The following HDAC9 variants were observed in gnomAD, a reference collection of about 807,000 sequenced individuals.
The protein encoded by HDAC9 is histone deacetylase 9.
In HDAC9, 41 loss-of-function variants were observed where a neutral mutation model predicts 139.4. The ratio of observed to expected loss-of-function variants is 0.29; its 90% CI spans 0.23 to 0.38. The LOEUF (loss-of-function observed/expected upper bound fraction) is 0.38. HDAC9 is among the 10% of genes least tolerant of loss of function. The probability of loss-of-function intolerance (pLI) is 1.00; values close to 1 mark genes in which losing one functional copy is unlikely to be tolerated. For synonymous variants in HDAC9, 517 were observed against 476.2 expected, an observed-to-expected ratio of 1.09 and a Z score of -1.12; for missense variants, 1,147 against 1,297.0, an observed-to-expected ratio of 0.88 and a Z score of 1.78.
At chr7:18,462,000 C>G (rs1370346580) in intron 1 of HDAC9, among the ~76,000 whole-genome samples, 1 of 151,936 alleles carries the variant, frequency 6.6e-6, no homozygotes, top group East Asian at 1.9e-4. Flanking sequence ...GTCGTGATCA[C>G]TAAATTAGTA....
intron 2 of HDAC9, among the ~76,000 whole-genome samples, chr7:18,221,687 T>C (rs1348753310): frequency 6.6e-6 from 1 of 152,070 alleles, no homozygotes. Flanking sequence ...GCAGGAGAAA[T>C]AAGGACTAAA....
chr7:18,697,809 T>A (rs212665), intron 12 of HDAC9, among the ~76,000 whole-genome samples: 5,070 of 152,198 alleles, frequency 0.033, 211 homozygotes, highest in African/African-American at 0.095. Context: ...ATTTTTTTTT[T>A]TGTTATGCTC....
At chr7:18,142,642 C>A (rs530976610) in intron 1 of HDAC9, among the ~76,000 whole-genome samples, 1 of 152,184 alleles carries the variant, frequency 6.6e-6, no homozygotes, top group Non-Finnish European at 1.5e-5. Flanking sequence ...AGAGTTTTGT[C>A]CTTCCTGGGA....
chr7:18,975,986 C>T (rs1287275034), intron 25 of HDAC9, 33 bp downstream of exon 25: 2 of 1,599,434 alleles, frequency 1.3e-6, no homozygotes, highest in Non-Finnish European at 1.7e-6. Context: ...TAATCCGGGT[C>T]AGTCATATCC....
intron 2 of HDAC9, among the ~76,000 whole-genome samples, chr7:18,557,779 T>C (rs1819330771): frequency 1.3e-5 from 2 of 150,482 alleles, no homozygotes; most frequent in African/African-American, 4.9e-5. Flanking sequence ...AAATGAAATA[T>C]TATTTATATA....
chr7:18,593,861 C>G, intron 5 of HDAC9, 47 bp from the exon 6 acceptor site: 1 of 1,604,642 alleles, frequency 6.2e-7, no homozygotes, highest in Non-Finnish European at 8.5e-7. Context: ...GACCAATATG[C>G]AGTAAAAACT....
chr7:18,785,987 A>C (rs556451532), intron 16 of HDAC9, among the ~76,000 whole-genome samples: 48 of 152,316 alleles, frequency 3.2e-4, no homozygotes, highest in African/African-American at 1.1e-3. Flanking sequence ...TATTGTCATT[A>C]TTATTTCTAA....
chr7:18,680,280 A>T (rs774947642), intron 12 of HDAC9, among the ~76,000 whole-genome samples: 9 of 151,988 alleles, frequency 5.9e-5, no homozygotes, highest in Non-Finnish European at 1.2e-4. Context: ...CTTTTAAAAC[A>T]TTTATCTCTT....
At chr7:18,118,006 C>G (rs1301285968) in intron 1 of HDAC9, among the ~76,000 whole-genome samples, 1 of 152,174 alleles carries the variant, frequency 6.6e-6, no homozygotes, top group Non-Finnish European at 1.5e-5. Context: ...ACTTACAGAT[C>G]TCTCTGAGTC....
At chr7:18,349,157 A>G (rs189633685) in intron 1 of HDAC9, among the ~76,000 whole-genome samples, 71 of 152,094 alleles carry the variant, frequency 4.7e-4, no homozygotes, top group African/African-American at 1.6e-3. Context: ...AAGGCCTACA[A>G]AGCACTGCAC....
intron 2 of HDAC9, chr7:18,509,152 G>A (rs1336772828): frequency 1.2e-5 from 5 of 402,074 alleles, no homozygotes; most frequent in Non-Finnish European, 1.7e-5. Flanking sequence ...AAACATTTTT[G>A]AGGGACTGAC....
intron 16 of HDAC9, among the ~76,000 whole-genome samples, chr7:18,769,168 C>T (rs746220226): frequency 2.0e-5 from 3 of 152,162 alleles, no homozygotes; most frequent in South Asian, 2.1e-4. Flanking sequence ...CTAGGACTCA[C>T]CTCCCAAATC....
At chr7:18,795,339 A>G (rs1314222553) in intron 17 of HDAC9, among the ~76,000 whole-genome samples, 1 of 149,360 alleles carries the variant, frequency 6.7e-6, no homozygotes, top group Non-Finnish European at 1.5e-5. Flanking sequence ...CCACTTGCAT[A>G]GTGTGTCATT....
chr7:18,963,807 CAT>C (rs1303191019), intron 24 of HDAC9, among the ~76,000 whole-genome samples: 2 of 152,178 alleles, frequency 1.3e-5, no homozygotes, highest in East Asian at 1.9e-4. Context: ...CTATTGTACC[CAT>C]ATGTCATAGA....
At chr7:18,931,715 G>T (rs1345256544) in intron 22 of HDAC9, among the ~76,000 whole-genome samples, 1 of 152,036 alleles carries the variant, frequency 6.6e-6, no homozygotes, top group African/African-American at 2.4e-5. Flanking sequence ...TTAGTTTCAG[G>T]CTCTCATTAT....
intron 1 of HDAC9, among the ~76,000 whole-genome samples, chr7:18,090,027 G>A (rs113212145): frequency 1.5e-3 from 223 of 151,854 alleles, no homozygotes; most frequent in African/African-American, 5.2e-3. Context: ...AATTTTTATT[G>A]CATGCATCTG....
intron 12 of HDAC9, chr7:18,667,348 C>G (rs1271519193): frequency 3.0e-6 from 3 of 984,228 alleles, no homozygotes; most frequent in Non-Finnish European, 3.6e-6. Context: ...GATATCAAGT[C>G]AAAATCAGTT....
Position 18,537,754 on chromosome 7 carries a change from G to A in HDAC9, c.22+41430G>A, listed in dbSNP as rs187193343. Among the ~76,000 whole-genome samples, 164 of 152,308 alleles carry A rather than the reference G, an allele frequency of 1.1e-3. 2 individuals are homozygous for A. The highest frequency in any genetic ancestry group is 0.01 in the Middle Eastern group (3 of 294). On this transcript the variant is annotated intron_variant, in intron 2 of 25. Transcript: ENST00000686413. ...TCCCAGTCTGACCCAAAAGTTATGC[G>A]GGAGAATAGTTAAGTTCCAGAGAGA...
chr7:18,435,137 AG>A (rs1791066942), intron 1 of HDAC9, among the ~76,000 whole-genome samples: 1 of 151,864 alleles, frequency 6.6e-6, no homozygotes, highest in Non-Finnish European at 1.5e-5. Context: ...CATTATCCTA[AG>A]TGAACTAATG....
Sources: gnomAD v4.1 joint callset for allele counts (sites outside exome capture counted in the v4.1 genomes callset) on GRCh38, gnomAD v4.1.1 for gene constraint, MANE v1.5 for transcripts, NCBI Gene and HGNC (gene_info 2026-07-23, HGNC 2026-07-21) for gene names.